Variants in HTR1F observed in about 807,000 individuals in gnomAD.
HTR1F encodes 5-hydroxytryptamine (serotonin) receptor 1F, G protein-coupled.
Under a neutral mutation model 24.0 loss-of-function variants are expected in HTR1F, and 17 were observed. The observed-to-expected ratio is 0.71, with a 90% confidence interval of 0.48 to 1.06. The LOEUF (loss-of-function observed/expected upper bound fraction) is 1.06, where lower values mean the gene tolerates loss of function less well. HTR1F is among the 50% of genes least tolerant of loss of function. The pLI is 0.00. For missense variants in HTR1F, 391 were observed against 427.8 expected, an observed-to-expected ratio of 0.91 and a Z score of 0.76; for synonymous variants, 186 against 156.8, an observed-to-expected ratio of 1.19 and a Z score of -1.39.
At position 87,990,772 on chromosome 3, in the gene HTR1F, A is replaced by G. The variant is rs760586442; in HGVS notation, c.23A>G (p.Asp8Gly). The change falls in exon 3 of 3, where the codon GAT (aspartate) becomes GGT (glycine). Residue 8 changes from aspartate (D) to glycine (G), a missense_variant. By Grantham distance (94) the Asp-to-Gly change is moderately conservative. Coordinates refer to ENST00000319595, the MANE Select transcript of HTR1F (RefSeq NM_001322209.2). MDFLNSS[D>G]QNLTSEELLN... is the part of the protein sequence containing the mutation. Reference sequence around the variant, plus strand: ...AAAATGGATTTCTTAAATTCATCTGATCAAAACTTGACCTCAGAGGAACTG... The same window carrying G: ...AAAATGGATTTCTTAAATTCATCTGGTCAAAACTTGACCTCAGAGGAACTG... 1.9e-6 allele frequency: 3 copies of G among 1,612,830 alleles called. No individual in the cohort carries two copies. The highest frequency in any genetic ancestry group is 4.5e-5 in the East Asian group (2 of 44,862).
intron 2 of HTR1F, among the ~76,000 whole-genome samples, chr3:87,916,673 A>G (rs779600417): frequency 6.6e-6 from 1 of 152,144 alleles, no homozygotes; most frequent in Non-Finnish European, 1.5e-5. Context: ...ACAGGAAAAT[A>G]TCACAATCCT....
At chr3:87,796,172 G>C (rs1703901188) in intron 1 of HTR1F, among the ~76,000 whole-genome samples, 1 of 152,126 alleles carries the variant, frequency 6.6e-6, no homozygotes, top group Non-Finnish European at 1.5e-5. Flanking sequence ...GAGATGGTGA[G>C]AAGTGTGTGA....
intron 2 of HTR1F, among the ~76,000 whole-genome samples, chr3:87,900,470 T>C (rs1253787888): frequency 6.6e-6 from 1 of 152,094 alleles, no homozygotes; most frequent in Non-Finnish European, 1.5e-5. Context: ...TGGTAAGTAA[T>C]TGGAGGATCT....
intron 2 of HTR1F, among the ~76,000 whole-genome samples, chr3:87,970,079 A>C (rs1705254778): frequency 6.6e-6 from 1 of 152,200 alleles, no homozygotes; most frequent in South Asian, 2.1e-4. Flanking sequence ...TAAATTACCC[A>C]GTCTCAGGTA....
At chr3:87,909,313 C>T (rs1178143713) in intron 2 of HTR1F, among the ~76,000 whole-genome samples, 3 of 152,032 alleles carry the variant, frequency 2.0e-5, no homozygotes, top group Non-Finnish European at 2.9e-5. Context: ...TTTGTCACCA[C>T]AGTAAAACCT....
intron 2 of HTR1F, among the ~76,000 whole-genome samples, chr3:87,945,225 C>T (rs1312501930): frequency 3.3e-5 from 5 of 151,898 alleles, no homozygotes; most frequent in African/African-American, 7.3e-5. Flanking sequence ...CTGCCCATGT[C>T]GAGAGCTGTA....
At chr3:87,921,950 T>C (rs1448131318) in intron 2 of HTR1F, among the ~76,000 whole-genome samples, 2 of 152,012 alleles carry the variant, frequency 1.3e-5, no homozygotes, top group East Asian at 3.8e-4. Flanking sequence ...CTGAGGTTGA[T>C]TCCATCTTTG....
intron 2 of HTR1F, among the ~76,000 whole-genome samples, chr3:87,910,674 T>A (rs192430197): frequency 2.6e-5 from 4 of 152,126 alleles, no homozygotes; most frequent in African/African-American, 9.6e-5. Flanking sequence ...TATAAATTCT[T>A]CCCATCACTA....
intron 2 of HTR1F, among the ~76,000 whole-genome samples, chr3:87,965,894 T>C (rs370143996): frequency 1.6e-4 from 25 of 152,310 alleles, no homozygotes; most frequent in African/African-American, 5.8e-4. Context: ...CTCCACCCTC[T>C]TCCCTTAGTT....
At chr3:87,929,376 C>A (rs779163877) in intron 2 of HTR1F, among the ~76,000 whole-genome samples, 2 of 152,134 alleles carry the variant, frequency 1.3e-5, no homozygotes, top group Non-Finnish European at 2.9e-5. Context: ...AACCAGATTA[C>A]TTATATATGG....
intron 2 of HTR1F, among the ~76,000 whole-genome samples, chr3:87,951,994 C>A (rs1576081883): frequency 6.6e-6 from 1 of 151,956 alleles, no homozygotes; most frequent in East Asian, 1.9e-4. Flanking sequence ...CTTTTCATGA[C>A]TTGATAGCTT....
intron 1 of HTR1F, among the ~76,000 whole-genome samples, chr3:87,821,432 T>A (rs910420336): frequency 4.3e-4 from 65 of 152,316 alleles, no homozygotes; most frequent in African/African-American, 1.4e-3. Flanking sequence ...TATGATACCC[T>A]ACTTTTAATC....
intron 2 of HTR1F, among the ~76,000 whole-genome samples, chr3:87,847,386 T>C (rs1370628753): frequency 6.6e-6 from 1 of 151,874 alleles, no homozygotes; most frequent in African/African-American, 2.4e-5. Flanking sequence ...AAATTTTATA[T>C]ATCTATATTT....
At chr3:87,837,147 T>C (rs1257658907) in intron 2 of HTR1F, among the ~76,000 whole-genome samples, 2 of 152,158 alleles carry the variant, frequency 1.3e-5, no homozygotes, top group Non-Finnish European at 2.9e-5. Context: ...ATAGGCTTTT[T>C]TTTAGTTGCA....
chr3:87,910,090 AT>A (rs1244996213), intron 2 of HTR1F: 1 of 151,996 alleles, frequency 6.6e-6, no homozygotes, highest in Non-Finnish European at 1.5e-5. Context: ...ATCTAATCTT[AT>A]CCCTTCTTAT....
At chr3:87,968,126 C>T (rs1355328720) in intron 2 of HTR1F, among the ~76,000 whole-genome samples, 1 of 152,086 alleles carries the variant, frequency 6.6e-6, no homozygotes, top group African/African-American at 2.4e-5. Context: ...TATGTTTTAA[C>T]AAAGAGACTG....
At position 87,927,060 on chromosome 3, in the gene HTR1F, CA is replaced by C. The variant is rs1466804386; in HGVS notation, c.-42-63647del. Among the ~76,000 whole-genome samples the C allele has an allele frequency of 4.0e-4, 61 of 152,182 alleles. 1 individual carries two copies. The highest frequency in any genetic ancestry group is 1.4e-3 in the African/African-American group (59 of 41,558). On this transcript the variant is annotated intron_variant, in intron 2 of 2. Transcript: ENST00000319595. ...AAATGACAGGGGAGTGGTGGAAAGC[CA>C]CAGTCGAGGCTTTGTAGAGGACTCT...
At chr3:87,835,847 C>G (rs905530988) in intron 2 of HTR1F, among the ~76,000 whole-genome samples, 1 of 152,164 alleles carries the variant, frequency 6.6e-6, no homozygotes, top group African/African-American at 2.4e-5. Context: ...CACTTATCAG[C>G]TGTCTGTACC....
intron 2 of HTR1F, among the ~76,000 whole-genome samples, chr3:87,989,676 T>A (rs1705774893): frequency 6.6e-6 from 1 of 152,092 alleles, no homozygotes; most frequent in South Asian, 2.1e-4. Context: ...AGTACAAAAT[T>A]ATTATTTTGA....
Sources: allele counts gnomAD v4.1 joint callset (sites outside exome capture counted in the v4.1 genomes callset), GRCh38; gene constraint gnomAD v4.1.1; transcripts MANE v1.5; gene names NCBI Gene and HGNC (gene_info 2026-07-23, HGNC 2026-07-21).